Variants in CWC27 observed in about 807,000 individuals in gnomAD.
CWC27 encodes the protein spliceosome-associated protein CWC27 homolog.
A neutral mutation model predicts 63.6 loss-of-function variants in CWC27; 47 were observed. That is an observed-to-expected ratio of 0.74 (90% CI 0.58 to 0.94). The LOEUF is 0.94. Among genes scored for constraint, CWC27 ranks in the 40% least tolerant of loss-of-function variants. The pLI is 0.00. For synonymous variants in CWC27, 175 were observed against 179.8 expected (o/e 0.97, Z 0.22); for missense variants, 495 against 554.3 (o/e 0.89, Z 1.07).
intron 10 of CWC27, among the ~76,000 whole-genome samples, chr5:64,850,483 T>C (rs1174315337): frequency 2.6e-5 from 4 of 151,852 alleles, no homozygotes; most frequent in Non-Finnish European, 5.9e-5. Flanking sequence ...GAAGAAAACA[T>C]AGGGGGAAAA....
intron 1 of CWC27, among the ~76,000 whole-genome samples, chr5:64,773,065 A>G (rs1743323894): frequency 6.6e-6 from 1 of 152,192 alleles, no homozygotes; most frequent in African/African-American, 2.4e-5. Context: ...TGAAGATATT[A>G]TTAATAATAT....
At chr5:64,787,498 T>A (rs557196393) in intron 6 of CWC27, among the ~76,000 whole-genome samples, 1 of 152,004 alleles carries the variant, frequency 6.6e-6, no homozygotes, top group Non-Finnish European at 1.5e-5. Context: ...ACTGCATGAT[T>A]GCATTATGCA....
intron 11 of CWC27, among the ~76,000 whole-genome samples, chr5:64,963,042 C>T (rs1418397778): frequency 1.3e-5 from 2 of 152,156 alleles, no homozygotes; most frequent in African/African-American, 2.4e-5. Context: ...ACAGCCTCCA[C>T]CTCCTGAGTT....
At chr5:64,877,808 A>G (rs1432759989) in intron 10 of CWC27, among the ~76,000 whole-genome samples, 1 of 151,952 alleles carries the variant, frequency 6.6e-6, no homozygotes, top group Non-Finnish European at 1.5e-5. Context: ...ATGAAGAATT[A>G]AGATGTCAGT....
At chr5:64,785,988 C>T (rs1436245779) in intron 5 of CWC27, among the ~76,000 whole-genome samples, 2 of 151,644 alleles carry the variant, frequency 1.3e-5, no homozygotes, top group East Asian at 3.9e-4. Flanking sequence ...CACAGTGAAA[C>T]CCTGTGTCTA....
intron 13 of CWC27, among the ~76,000 whole-genome samples, chr5:64,994,191 T>C (rs1244641353): frequency 1.3e-5 from 2 of 152,174 alleles, no homozygotes; most frequent in African/African-American, 2.4e-5. Flanking sequence ...TACCCTCTCA[T>C]ACATTAATAT....
chr5:64,866,092 G>C (rs535025604), intron 10 of CWC27, among the ~76,000 whole-genome samples: 12 of 152,192 alleles, frequency 7.9e-5, no homozygotes, highest in Middle Eastern at 3.4e-3. Flanking sequence ...GTCTGTCAAG[G>C]AGATTTTTTA....
At chr5:64,776,818 A>G (rs1743472879) in intron 2 of CWC27, among the ~76,000 whole-genome samples, 1 of 152,166 alleles carries the variant, frequency 6.6e-6, no homozygotes, top group Non-Finnish European at 1.5e-5. Flanking sequence ...TGAATAAAAC[A>G]TGAACAAGTA....
At chr5:64,934,252 A>G (rs1484784279) in intron 11 of CWC27, among the ~76,000 whole-genome samples, 1 of 152,110 alleles carries the variant, frequency 6.6e-6, no homozygotes, top group African/African-American at 2.4e-5. Context: ...TTTCTCCCCT[A>G]GAACCCCACT....
intron 11 of CWC27, among the ~76,000 whole-genome samples, chr5:64,891,771 T>TTTTG (rs141085027): frequency 6.8e-6 from 1 of 147,634 alleles, no homozygotes; most frequent in African/African-American, 2.5e-5. Context: ...CTTGGGATAC[T>TTTTG]TTGTTGTTGT....
chr5:64,863,955 A>G (rs561273423), intron 10 of CWC27, among the ~76,000 whole-genome samples: 63 of 152,258 alleles, frequency 4.1e-4, no homozygotes, highest in African/African-American at 1.5e-3. Flanking sequence ...CAAAATAATT[A>G]TTTTCTGTCG....
At chr5:64,835,144 A>C (rs1260680064) in intron 10 of CWC27, among the ~76,000 whole-genome samples, 1 of 151,810 alleles carries the variant, frequency 6.6e-6, no homozygotes, top group Non-Finnish European at 1.5e-5. Context: ...CTATCATTTC[A>C]GGCACATAAT....
rs10043511 is a variant in CWC27 at position 64,917,851 on chromosome 5, C to T, written c.1042+32305C>T. 2.7e-3 allele frequency among the ~76,000 whole-genome samples: 407 copies of T among 152,122 alleles called. 2 individuals are homozygous for T. Among genetic ancestry groups the T allele is most frequent in the African/African-American group, 8.7e-3 (362 of 41,502 alleles). Reference sequence around the variant, plus strand: ...ACTCAAACTGGAACTACATCACTGGCGCTCCTGGTCTCCAGCTTGCTGACT... The same window carrying T: ...ACTCAAACTGGAACTACATCACTGGTGCTCCTGGTCTCCAGCTTGCTGACT... On this transcript the variant is annotated intron_variant, in intron 11 of 13. Transcript: ENST00000381070.
At position 64,977,191 on chromosome 5, in the gene CWC27, G is replaced by T. The variant is rs1309581; in HGVS notation, c.1209G>T (p.Thr403=). 348 of 1,611,546 alleles carry T rather than the reference G, an allele frequency of 2.2e-4. 1 individual carries two copies. The African/African-American group carries it at 4.2e-3, about 19-fold the overall frequency. ...AACTCACTCAAGCAATTGCTGAAAC[G>T]CCTGAAAATGACATTCCTGAAACAG... ...KSKLTQAIAE[T]PENDIPETEV... is the part of the protein sequence containing the mutation. The change falls in exon 13 of 14, where the codon ACG becomes ACT. Residue 403 remains threonine, a synonymous_variant. Transcript: ENST00000381070.
intron 11 of CWC27, among the ~76,000 whole-genome samples, chr5:64,918,557 T>C (rs1441635744): frequency 6.6e-6 from 1 of 152,162 alleles, no homozygotes; most frequent in Non-Finnish European, 1.5e-5. Flanking sequence ...GTTGTATATA[T>C]ATTCAAAAAG....
intron 11 of CWC27, among the ~76,000 whole-genome samples, chr5:64,956,030 C>T (rs1402229876): frequency 6.6e-6 from 1 of 152,132 alleles, no homozygotes. Context: ...TGAAATTTTA[C>T]TGCCATTTTA....
At chr5:64,982,170 C>G (rs1300636684) in intron 13 of CWC27, among the ~76,000 whole-genome samples, 1 of 151,956 alleles carries the variant, frequency 6.6e-6, no homozygotes, top group African/African-American at 2.4e-5. Flanking sequence ...ACTTTTAGAC[C>G]CAGTCAGACC....
At chr5:65,006,879 A>G (rs1361157461) in intron 13 of CWC27, among the ~76,000 whole-genome samples, 1 of 151,950 alleles carries the variant, frequency 6.6e-6, no homozygotes, top group Admixed American at 6.6e-5. Flanking sequence ...AACATGTACA[A>G]TAAACCCCCA....
At chr5:64,885,242 T>A (rs770188826) in intron 10 of CWC27, among the ~76,000 whole-genome samples, 1 of 152,128 alleles carries the variant, frequency 6.6e-6, no homozygotes, top group Non-Finnish European at 1.5e-5. Context: ...TAATTCGTAT[T>A]GTTATTATGA....
Sources: gnomAD v4.1 joint callset for allele counts (sites outside exome capture counted in the v4.1 genomes callset) on GRCh38, gnomAD v4.1.1 for gene constraint, MANE v1.5 for transcripts, NCBI Gene and HGNC (gene_info 2026-07-23, HGNC 2026-07-21) for gene names.